Variants in PRSS36 observed in about 807,000 individuals in gnomAD.
The protein encoded by PRSS36 is serine protease 36, also known as polyserase-2.
In PRSS36, 90 loss-of-function variants were observed where a neutral mutation model predicts 94.3. The observed-to-expected ratio is 0.95, with a 90% confidence interval of 0.80 to 1.14. The LOEUF (loss-of-function observed/expected upper bound fraction) is 1.14. Among genes scored for constraint, PRSS36 ranks in the 50% most tolerant of loss-of-function variants. The pLI is 0.00. For missense variants in PRSS36, 1,158 were observed against 1,135.0 expected (o/e 1.02, Z -0.29); for synonymous variants, 500 against 489.6 (o/e 1.02, Z -0.28).
In PRSS36 at chr16:31,141,930, C is replaced by T. The variant is rs540112966; in HGVS notation, c.1552G>A (p.Glu518Lys). The T allele has an allele frequency of 6.2e-7, 1 of 1,614,150 alleles. No individual in the cohort carries two copies. Among genetic ancestry groups the T allele is most frequent in the Admixed American group, 1.7e-5 (1 of 60,012 alleles). Residue 518 changes from glutamate (E) to lysine (K), a missense_variant, in exon 11 of 15, where the codon GAG becomes AAG. Transcript: ENST00000268281. The stretch of plus-strand genomic sequence containing the variant: ...CCAGCCAGAAACCAGGTCCCCTCCT[C>T]CTGGCACAAAAGGCTCCAACGCGAG... ...NDSRWSLLCQ[E>K]EGTWFLAGIR...
At chr16:31,144,669 A>G (rs879929549) in intron 6 of PRSS36, among the ~76,000 whole-genome samples, 47 of 152,352 alleles carry the variant, frequency 3.1e-4, no homozygotes, top group Admixed American at 3.0e-3. Flanking sequence ...TCATGCCTGT[A>G]ATCCCAGCTA....
In PRSS36 at chr16:31,142,542, C is replaced by G. The variant is rs1001747331; in HGVS notation, c.1460G>C (p.Gly487Ala). 2 of 1,517,232 alleles carry G rather than the reference C, an allele frequency of 1.3e-6. No homozygotes were observed. The highest frequency in any genetic ancestry group is 2.0e-5 in the Admixed American group (1 of 49,552). 94.0% of individuals were successfully genotyped at this position (1,517,232 alleles called of 1,614,324 possible). A position where few individuals can be genotyped will look rare whatever the true frequency, so the allele number is the denominator to read the frequency against. Residue 487 changes from glycine (G) to alanine (A), a missense_variant, in exon 10 of 15, where the codon GGA becomes GCA. By Grantham distance (60) the Gly-to-Ala change is moderately conservative. Coordinates refer to ENST00000268281, the MANE Select transcript of PRSS36 (RefSeq NM_173502.5). ...GRQGAAVPLP[G>A]DPPHALCPAY... ...AGGGCAGAGCGCGTGCGGCGGGTCT[C>G]CGGGCAGCGGTACTGCCGCCCCCTG...
chr16:31,139,440 G>A (rs377020673), intron 14 of PRSS36, 24 bp from the exon 15 acceptor site: 5 of 1,602,308 alleles, frequency 3.1e-6, no homozygotes, highest in Non-Finnish European at 2.6e-6. Context: ...GCGAGGCCAC[G>A]TGGGTCTGCT....
chr16:31,142,951 C>G lies in PRSS36; in HGVS notation c.1143G>C (p.Trp381Cys). The change falls in exon 9 of 15, where the codon TGG (tryptophan) becomes TGC (cysteine). Residue 381 changes from tryptophan (W) to cysteine (C), a missense_variant. Trp to Cys is a radical substitution (Grantham distance 215). Coordinates refer to ENST00000268281, the MANE Select transcript of PRSS36 (RefSeq NM_173502.5). ...GCGGGCGCGAGGGCAGCAGCACGCG[C>G]CAGGCGTCGAGGTCGCGGGGTGGGC... ...SDSPPRDLDA[W>C]RVLLPSRPRA... 6.9e-7 allele frequency: 1 copy of G among 1,454,952 alleles called. No homozygotes were observed. The highest frequency in any genetic ancestry group is 9.0e-7 in the Non-Finnish European group (1 of 1,110,176). 90.1% of individuals were successfully genotyped at this position (1,454,952 alleles called of 1,614,324 possible).
chr16:31,142,753 G>C lies in PRSS36; in HGVS notation c.1341C>G (p.Ala447=). 1 of 1,396,162 alleles carries C rather than the reference G, an allele frequency of 7.2e-7. No individual in the cohort carries two copies. The highest frequency in any genetic ancestry group is 9.3e-7 in the Non-Finnish European group (1 of 1,070,678). The allele number at this position is 1,396,162 out of a possible 1,614,324, so 86.5% of individuals were successfully genotyped here. A position where few individuals can be genotyped will look rare whatever the true frequency, so the allele number is the denominator to read the frequency against. Residue 447 remains alanine (A), a synonymous_variant, in exon 9 of 15, where the codon GCC becomes GCG. Transcript: ENST00000268281. ...CCAGCTCACCCCCGCGGCCCCAGCG[G>C]GCCAGGCGGCAGCGGCTCCCGGGCA... ...YFLPGSRCRL[A]RWGRGEPALG... is the part of the protein sequence containing the mutation.
intron 8 of PRSS36, 110 bp from the exon 9 acceptor site, chr16:31,143,103 C>T (rs2057739456): frequency 2.2e-6 from 3 of 1,354,912 alleles, no homozygotes; most frequent in Non-Finnish European, 2.9e-6. Context: ...GGCGGGATCC[C>T]CACGACACCC....
rs1483684926 is a variant in PRSS36, at chr16:31,148,405, G to A, written c.543C>T (p.Val181=). The change falls in exon 5 of 15, where the codon GTC becomes GTT. Residue 181 remains valine, a synonymous_variant. Coordinates refer to ENST00000268281, the MANE Select transcript of PRSS36 (RefSeq NM_173502.5). Reference sequence around the variant, plus strand: ...TCCCGTCCCACTCACCTGCCTCCTGGACGTCTCCCCAGCCGGTGGCCCAGC... The same window carrying A: ...TCCCGTCCCACTCACCTGCCTCCTGAACGTCTCCCCAGCCGGTGGCCCAGC... ...TACWATGWGD[V]QEADPLPLPW... 1.3e-6 allele frequency: 2 copies of A among 1,568,040 alleles called. No homozygotes were observed. The highest frequency in any genetic ancestry group is 2.3e-5 in the South Asian group (2 of 87,328).
intron 4 of PRSS36, 90 bp downstream of exon 4, chr16:31,148,983 G>T: frequency 7.4e-7 from 1 of 1,350,432 alleles, no homozygotes. Context: ...TTATCCTTGA[G>T]GACGGAAGTG....
rs756755566 is a variant in PRSS36, at chr16:31,142,887, CGTTCTCGT to C, written c.1199_1206del (p.His400ArgfsTer107). 1.0e-5 allele frequency: 16 copies of C among 1,557,492 alleles called. No homozygotes were observed. The highest frequency in any genetic ancestry group is 1.4e-5 in the Non-Finnish European group (16 of 1,157,212). On this transcript the variant is annotated frameshift_variant, in exon 9 of 15. Transcript: ENST00000268281. LOFTEE classifies it high-confidence loss of function. ...AGGTCCGAGGCGTTGTCCCACGAAG[CGTTCTCGT>C]GCTGCACCAGGCGCGCCACCCGCTC...
Position 31,150,002 on chromosome 16 carries a change from G to C in PRSS36, c.34C>G (p.Leu12Val). 1 of 1,614,014 alleles carries C rather than the reference G, an allele frequency of 6.2e-7. No individual in the cohort carries two copies. The highest frequency in any genetic ancestry group is 8.5e-7 in the Non-Finnish European group (1 of 1,179,980). ...CACTCTTGTCCCCTGAGGTTACCAA[G>C]CATCACAAGGGGGAGGAGCAGGTGC... Reference protein sequence around the residue: ...ARHLLLPLVMLVISPIPGAFQ... With the variant: ...ARHLLLPLVMVVISPIPGAFQ... The change falls in exon 1 of 15, where the codon CTT becomes GTT. Residue 12 changes from leucine to valine, a missense_variant. Coordinates refer to ENST00000268281, the MANE Select transcript of PRSS36 (RefSeq NM_173502.5).
chr16:31,148,372 C>A, intron 5 of PRSS36, 23 bp downstream of exon 5: 1 of 1,529,600 alleles, frequency 6.5e-7, no homozygotes, highest in African/African-American at 1.4e-5. Context: ...CGAGGCCCTC[C>A]CCTCTTGTCC....
Position 31,143,723 on chromosome 16 carries a change from C to T in PRSS36, c.835G>A (p.Val279Met). The change falls in exon 7 of 15, where the codon GTG becomes ATG. Residue 279 changes from valine (V) to methionine (M), a missense_variant. Transcript: ENST00000268281. ...RRNRPGVFTA[V>M]ATYEAWIREQ... ...CGTATCCATGCCTCATAGGTAGCCACAGCAGTGAAAACTCCAGGGCGGTTT... is the reference window on the plus strand; with the variant it reads ...CGTATCCATGCCTCATAGGTAGCCATAGCAGTGAAAACTCCAGGGCGGTTT... 1 of 1,614,156 alleles carries T rather than the reference C, an allele frequency of 6.2e-7. No individual in the cohort carries two copies. Among genetic ancestry groups the T allele is most frequent in the Non-Finnish European group, 8.5e-7 (1 of 1,180,036 alleles).
At chr16:31,143,513 C>G in intron 7 of PRSS36, 42 bp from the exon 8 acceptor site, 1 of 1,604,408 alleles carries the variant, frequency 6.2e-7, no homozygotes, top group African/African-American at 1.3e-5. Context: ...TCCTGCAACC[C>G]AATCACTCCC....
At chr16:31,149,396 C>G in intron 3 of PRSS36, 67 bp downstream of exon 3, 1 of 1,588,018 alleles carries the variant, frequency 6.3e-7, no homozygotes, top group Non-Finnish European at 8.6e-7. Flanking sequence ...GTCTTTTCCA[C>G]CTCCCTCATG....
intron 11 of PRSS36, 37 bp from the exon 12 acceptor site, chr16:31,141,647 A>ATGGC: frequency 6.2e-7 from 1 of 1,610,194 alleles, no homozygotes; most frequent in Non-Finnish European, 8.5e-7. Context: ...TTGGGGCCCC[A>ATGGC]TGGCTGACCC....
chr16:31,141,368 AT>A (rs1262700775), intron 12 of PRSS36, 100 bp downstream of exon 12: 14 of 1,098,730 alleles, frequency 1.3e-5, no homozygotes, highest in Admixed American at 5.6e-5. Context: ...CTCATTGTTA[AT>A]TTTTTTTAAA....
intron 4 of PRSS36, 47 bp from the exon 5 acceptor site, chr16:31,148,722 G>T (rs747242176): frequency 6.2e-7 from 1 of 1,603,308 alleles, no homozygotes; most frequent in East Asian, 2.2e-5. Flanking sequence ...CCTATGGAGG[G>T]GGCAGACCCT....
At chr16:31,141,656 C>G (rs1465213600) in intron 11 of PRSS36, 46 bp from the exon 12 acceptor site, 1 of 1,608,864 alleles carries the variant, frequency 6.2e-7, no homozygotes, top group Admixed American at 1.7e-5. Context: ...CATGGCTGAC[C>G]CCTGAGCCCC....
intron 6 of PRSS36, among the ~76,000 whole-genome samples, chr16:31,144,580 A>G (rs1447105644): frequency 1.3e-5 from 2 of 152,112 alleles, no homozygotes; most frequent in African/African-American, 4.8e-5. Context: ...ATTAGCTGGG[A>G]TTACAGGCAT....
Sources: gnomAD v4.1 joint callset for allele counts (sites outside exome capture counted in the v4.1 genomes callset) on GRCh38, gnomAD v4.1.1 for gene constraint, MANE v1.5 for transcripts, NCBI Gene and HGNC (gene_info 2026-07-23, HGNC 2026-07-21) for gene names.